The following PITPNM2 variants were observed in gnomAD, a reference collection of about 807,000 sequenced individuals.
PITPNM2 encodes phosphatidylinositol transfer protein membrane associated 2, also known as membrane-associated phosphatidylinositol transfer protein 2.
PITPNM2 carries 35 observed loss-of-function variants against 132.2 expected under a neutral mutation model. That is an observed-to-expected ratio of 0.26 (90% CI 0.20 to 0.35). The LOEUF is 0.35. Ranked by LOEUF, PITPNM2 falls within the 10% of genes least tolerant of loss-of-function variation. The pLI, the probability that PITPNM2 is intolerant of heterozygous loss-of-function variation, is 1.00. For missense variants in PITPNM2, 1,332 were observed against 1,912.0 expected, an observed-to-expected ratio of 0.70 and a Z score of 5.66; for synonymous variants, 738 against 799.2, an observed-to-expected ratio of 0.92 and a Z score of 1.29.
intron 2 of PITPNM2, among the ~76,000 whole-genome samples, chr12:123,068,546 C>T (rs555395002): frequency 6.6e-6 from 1 of 152,194 alleles, no homozygotes; most frequent in Non-Finnish European, 1.5e-5. Flanking sequence ...GCCTTAAGAA[C>T]TAACGCAGGG....
chr12:123,010,183 C>G (rs994395878), intron 5 of PITPNM2, 106 bp from the exon 6 acceptor site: 2 of 966,894 alleles, frequency 2.1e-6, no homozygotes, highest in Non-Finnish European at 3.1e-6. Context: ...CTGGGCCTTG[C>G]CCTGCCAGAG....
chr12:123,004,797 G>T lies in PITPNM2; in HGVS notation c.953-308C>A, dbSNP rs1249892673. 6.6e-6 allele frequency among the ~76,000 whole-genome samples: 1 copy of T among 152,258 alleles called. No individual in the cohort carries two copies. Among genetic ancestry groups the T allele is most frequent in the Non-Finnish European group, 1.5e-5 (1 of 68,042 alleles). ...GGGTCCACTCCTGGGCCTCTGACCT[G>T]AGTCTGACCAAGAGCAAACTCCTGA... On this transcript the variant is annotated intron_variant, in intron 7 of 25. Coordinates refer to ENST00000320201, the MANE Select transcript of PITPNM2 (RefSeq NM_020845.3). The surrounding 1 kb of genome is among the most constrained non-coding windows in gnomAD (Gnocchi z 4.9).
At chr12:123,028,377 A>G (rs1421096474) in intron 3 of PITPNM2, among the ~76,000 whole-genome samples, 2 of 152,204 alleles carry the variant, frequency 1.3e-5, no homozygotes, top group African/African-American at 2.4e-5. Flanking sequence ...CCTAGCTGCC[A>G]CTGGCTGGCA....
In PITPNM2 at chr12:123,004,826, T is replaced by C. The variant is rs767549237; in HGVS notation, c.953-337A>G. On this transcript the variant is annotated intron_variant, in intron 7 of 25. Transcript: ENST00000320201. This position sits in a 1 kb window ranked among gnomAD's most constrained non-coding sequence, Gnocchi z 4.9. ...CTGACCAAGAGCAAACTCCTGAAATTTGGCCACAGCAGGGCCCAGGCGGGA... is the reference window on the plus strand; with the variant it reads ...CTGACCAAGAGCAAACTCCTGAAATCTGGCCACAGCAGGGCCCAGGCGGGA... 2.4e-4 allele frequency among the ~76,000 whole-genome samples: 37 copies of C among 152,170 alleles called. No individual in the cohort carries two copies. The highest frequency in any genetic ancestry group is 4.6e-4 in the Non-Finnish European group (31 of 68,026).
chr12:123,140,869 C>G (rs2043491826), intron 1 of PITPNM2, among the ~76,000 whole-genome samples: 1 of 151,938 alleles, frequency 6.6e-6, no homozygotes, highest in African/African-American at 2.4e-5. Context: ...TGAATCTGCT[C>G]TAAGTCCATG....
At chr12:123,127,387 G>T (rs2043160995) in intron 1 of PITPNM2, among the ~76,000 whole-genome samples, 1 of 152,208 alleles carries the variant, frequency 6.6e-6, no homozygotes, top group African/African-American at 2.4e-5. Context: ...AAGCAAACAG[G>T]TGTTAGAGGT....
At chr12:123,114,075 T>C (rs998366391) in intron 1 of PITPNM2, among the ~76,000 whole-genome samples, 4 of 152,246 alleles carry the variant, frequency 2.6e-5, no homozygotes, top group East Asian at 1.9e-4. Flanking sequence ...CACTACATCT[T>C]GTTTATCCAT....
At chr12:123,056,673 C>G (rs966763795) in intron 2 of PITPNM2, among the ~76,000 whole-genome samples, 2 of 152,206 alleles carry the variant, frequency 1.3e-5, no homozygotes, top group African/African-American at 4.8e-5. Flanking sequence ...TCTCTCCCTG[C>G]ACTGGGTGAC....
chr12:123,125,650 C>T (rs2043121490), intron 1 of PITPNM2, among the ~76,000 whole-genome samples: 1 of 151,358 alleles, frequency 6.6e-6, no homozygotes, highest in African/African-American at 2.4e-5. Context: ...TGAGACCAGC[C>T]TGACCAACAA....
rs2042925935 is a variant in PITPNM2 at position 123,115,718 on chromosome 12, T to C, written c.-199-5230A>G. Among the ~76,000 whole-genome samples, 3 of 151,920 alleles carry C rather than the reference T, an allele frequency of 2.0e-5. No homozygotes were observed. The South Asian group carries it at 6.2e-4, about 32-fold the overall frequency. On this transcript the variant is annotated intron_variant, in intron 1 of 25. Transcript: ENST00000320201. Reference sequence around the variant, plus strand: ...GCTAAGTACAGAGTGACTAATACTATGAGGGAGAGGCAGCACCCCCAGTTG... The same window carrying C: ...GCTAAGTACAGAGTGACTAATACTACGAGGGAGAGGCAGCACCCCCAGTTG...
rs1271529960 is a variant in PITPNM2 at position 123,150,841 on chromosome 12, C to G, written c.-288G>C. Among the ~76,000 whole-genome samples the G allele has an allele frequency of 6.8e-6, 1 of 146,142 alleles. No homozygotes were observed. The highest frequency in any genetic ancestry group is 1.5e-5 in the Non-Finnish European group (1 of 65,736). On this transcript the variant is annotated 5_prime_UTR_variant, in exon 1 of 26. Transcript: ENST00000320201. The surrounding 1 kb of genome is among the most constrained non-coding windows in gnomAD (Gnocchi z 6.0). ...CGCCGCCTCACGGGGAGCGCCCGCC[C>G]CGCGGCCCCGGCCCGGCCGGCTGCG...
intron 2 of PITPNM2, among the ~76,000 whole-genome samples, chr12:123,046,869 C>G (rs2040677122): frequency 6.6e-6 from 1 of 152,190 alleles, no homozygotes; most frequent in Non-Finnish European, 1.5e-5. Flanking sequence ...TACCTTGCCC[C>G]TATTACTCAG....
chr12:123,112,667 T>G (rs1379491222), intron 1 of PITPNM2, among the ~76,000 whole-genome samples: 1 of 151,636 alleles, frequency 6.6e-6, no homozygotes, highest in Non-Finnish European at 1.5e-5. Context: ...GCCTCCTGAG[T>G]AGCTGGGACT....
chr12:123,143,707 A>G (rs1241893061), intron 1 of PITPNM2, among the ~76,000 whole-genome samples: 1 of 152,230 alleles, frequency 6.6e-6, no homozygotes, highest in African/African-American at 2.4e-5. Flanking sequence ...ACTGCATGAA[A>G]GTACAGGGTC....
In PITPNM2 at chr12:123,097,365, A is replaced by G. The variant is rs1462126860; in HGVS notation, c.-96+13020T>C. On this transcript the variant is annotated intron_variant, in intron 2 of 25. Coordinates refer to ENST00000320201, the MANE Select transcript of PITPNM2 (RefSeq NM_020845.3). This position sits in a 1 kb window ranked among gnomAD's most constrained non-coding sequence, Gnocchi z 4.7. ...GCCTGCCATCTCCCTTTTATTAGTG[A>G]TTGCAAAGTGCTAAGGGGGAAAGAC... Among the ~76,000 whole-genome samples the G allele has an allele frequency of 6.6e-6, 1 of 152,092 alleles. No homozygotes were observed. Among genetic ancestry groups the G allele is most frequent in the Non-Finnish European group, 1.5e-5 (1 of 68,002 alleles).
At chr12:122,990,178 G>C (rs994523569) in intron 17 of PITPNM2, among the ~76,000 whole-genome samples, 1 of 152,256 alleles carries the variant, frequency 6.6e-6, no homozygotes, top group Admixed American at 6.5e-5. Context: ...AGCACGGGGC[G>C]CAGCCCCTGG....
chr12:123,002,257 A>C (rs781015419), intron 8 of PITPNM2, among the ~76,000 whole-genome samples: 4 of 152,174 alleles, frequency 2.6e-5, no homozygotes, highest in Non-Finnish European at 5.9e-5. Context: ...AATCACTTGA[A>C]TCTGGGAGGC....
At chr12:123,059,425 G>A (rs1448598796) in intron 2 of PITPNM2, among the ~76,000 whole-genome samples, 1 of 152,248 alleles carries the variant, frequency 6.6e-6, no homozygotes, top group African/African-American at 2.4e-5. Flanking sequence ...TCCAGGGTTC[G>A]GTCTGTACTC....
intron 2 of PITPNM2, among the ~76,000 whole-genome samples, chr12:123,037,624 T>C (rs1160535113): frequency 6.6e-6 from 1 of 152,178 alleles, no homozygotes; most frequent in African/African-American, 2.4e-5. Flanking sequence ...ATTCTGCCCT[T>C]TGGGAGTCTT....
Sources: gnomAD v4.1 joint callset for allele counts (sites outside exome capture counted in the v4.1 genomes callset) on GRCh38, gnomAD v4.1.1 for gene constraint, Gnocchi (gnomAD v3.1) non-coding constraint, MANE v1.5 for transcripts, NCBI Gene and HGNC (gene_info 2026-07-23, HGNC 2026-07-21) for gene names.